DGKB: variants seen among roughly 807,000 people sequenced by gnomAD.
DGKB encodes the protein 90 kDa diacylglycerol kinase.
Under a neutral mutation model 114.3 loss-of-function variants are expected in DGKB, and 67 were observed. That is an observed-to-expected ratio of 0.59 (90% CI 0.48 to 0.72). DGKB has a LOEUF of 0.72. Among genes scored for constraint, DGKB ranks in the 30% least tolerant of loss-of-function variants. The pLI, the probability that DGKB is intolerant of heterozygous loss-of-function variation, is 0.00. For synonymous variants in DGKB, 398 were observed against 323.1 expected, an observed-to-expected ratio of 1.23 and a Z score of -2.49; for missense variants, 907 against 975.2, an observed-to-expected ratio of 0.93 and a Z score of 0.93.
intron 23 of DGKB, among the ~76,000 whole-genome samples, chr7:14,297,465 C>T (rs1172651770): frequency 6.6e-6 from 1 of 152,144 alleles, no homozygotes; most frequent in African/African-American, 2.4e-5. Flanking sequence ...ACATGATTAT[C>T]TCAATAGATG....
Position 14,774,646 on chromosome 7 carries a change from G to T in DGKB, c.71-16915C>A, listed in dbSNP as rs1198750340. 2.6e-5 allele frequency among the ~76,000 whole-genome samples: 4 copies of T among 152,160 alleles called. No homozygotes were observed. The East Asian group carries it at 7.7e-4, about 29-fold the overall frequency. On this transcript the variant is annotated intron_variant, in intron 2 of 25. Transcript: ENST00000402815. ...TTTTCTCAACCTTAGAATATATATAGTCATATGCAACAGTCTTCTCCAAAT... is the reference window on the plus strand; with the variant it reads ...TTTTCTCAACCTTAGAATATATATATTCATATGCAACAGTCTTCTCCAAAT...
chr7:14,499,063 T>C (rs1278016291), intron 20 of DGKB, among the ~76,000 whole-genome samples: 2 of 151,774 alleles, frequency 1.3e-5, no homozygotes, highest in African/African-American at 4.8e-5. Context: ...AGGTGTTTCT[T>C]AGAGATGGGC....
chr7:14,539,575 A>G (rs1053718641), intron 20 of DGKB, among the ~76,000 whole-genome samples: 4 of 152,154 alleles, frequency 2.6e-5, no homozygotes, highest in Admixed American at 2.0e-4. Flanking sequence ...GAAACATGAA[A>G]GTTAAGCAAG....
chr7:14,610,408 A>C (rs924303789), intron 16 of DGKB, among the ~76,000 whole-genome samples: 1 of 152,188 alleles, frequency 6.6e-6, no homozygotes, highest in South Asian at 2.1e-4. Flanking sequence ...GGAAGATATG[A>C]AAAAAACTAC....
chr7:14,553,760 T>C (rs1795447010), intron 20 of DGKB, among the ~76,000 whole-genome samples: 1 of 152,100 alleles, frequency 6.6e-6, no homozygotes, highest in Non-Finnish European at 1.5e-5. Flanking sequence ...AGAAGTTTTA[T>C]TTCTCTCTGT....
At chr7:14,235,380 G>A (rs1240564223) in intron 23 of DGKB, among the ~76,000 whole-genome samples, 1 of 152,014 alleles carries the variant, frequency 6.6e-6, no homozygotes, top group Non-Finnish European at 1.5e-5. Flanking sequence ...TTAACCATCT[G>A]TTTTGCTTGG....
intron 1 of DGKB, among the ~76,000 whole-genome samples, chr7:14,943,365 G>A (rs1785681537): frequency 6.6e-6 from 1 of 151,636 alleles, no homozygotes; most frequent in Non-Finnish European, 1.5e-5. Flanking sequence ...AAGTCATATT[G>A]ACATAATAAA....
intron 1 of DGKB, among the ~76,000 whole-genome samples, chr7:14,850,811 T>G (rs1338121186): frequency 2.0e-5 from 3 of 152,174 alleles, no homozygotes; most frequent in African/African-American, 7.2e-5. Context: ...AATTATTAAT[T>G]TATAGACTAA....
Position 14,161,721 on chromosome 7 carries a change from C to T in DGKB, c.2305-12483G>A, listed in dbSNP as rs150073576. ...TAGGAGAAATACCTAAGGTAGATGACGGGTTGATGGGTGTAGCAAACCACC... is the reference window on the plus strand; with the variant it reads ...TAGGAGAAATACCTAAGGTAGATGATGGGTTGATGGGTGTAGCAAACCACC... On this transcript the variant is annotated intron_variant, in intron 25 of 25. Transcript: ENST00000402815. Among the ~76,000 whole-genome samples the T allele has an allele frequency of 7.3e-3, 1,110 of 151,866 alleles. 12 individuals carry two copies. The highest frequency in any genetic ancestry group is 0.025 in the African/African-American group (1,048 of 41,422).
intron 1 of DGKB, among the ~76,000 whole-genome samples, chr7:14,846,988 AATAAACATTAAG>A (rs1233691323): frequency 6.6e-6 from 1 of 152,194 alleles, no homozygotes; most frequent in Non-Finnish European, 1.5e-5. Flanking sequence ...AAGAGAAGTT[AATAAACATTAAG>A]ACATACTGGG....
chr7:14,592,256 G>T (rs1238692183), intron 17 of DGKB, among the ~76,000 whole-genome samples: 1 of 151,586 alleles, frequency 6.6e-6, no homozygotes, highest in African/African-American at 2.4e-5. Flanking sequence ...AGAAACACAA[G>T]GCTGAAGGAT....
At chr7:14,314,845 A>T (rs370444935) in intron 23 of DGKB, among the ~76,000 whole-genome samples, 6,417 of 149,908 alleles carry the variant, frequency 0.043, 403 homozygotes, top group African/African-American at 0.15. Flanking sequence ...TTCACCAAAG[A>T]TGAAATGAAG....
At chr7:14,503,062 A>C (rs1009023374) in intron 20 of DGKB, among the ~76,000 whole-genome samples, 2 of 152,044 alleles carry the variant, frequency 1.3e-5, no homozygotes, top group South Asian at 4.1e-4. Context: ...CTCCCTTGTG[A>C]TTTATGCCTC....
chr7:14,775,582 G>A (rs1319683186), intron 2 of DGKB, among the ~76,000 whole-genome samples: 1 of 151,972 alleles, frequency 6.6e-6, no homozygotes, highest in African/African-American at 2.4e-5. Flanking sequence ...CTTCCATGCT[G>A]TTTTTGTGAT....
intron 20 of DGKB, among the ~76,000 whole-genome samples, chr7:14,567,475 T>C (rs1382774743): frequency 6.4e-5 from 5 of 77,792 alleles, no homozygotes; most frequent in Non-Finnish European, 2.3e-5. Flanking sequence ...ATTTATATAT[T>C]ATATATATTT....
At chr7:14,894,657 T>C (rs1196241342) in intron 1 of DGKB, among the ~76,000 whole-genome samples, 1 of 151,574 alleles carries the variant, frequency 6.6e-6, no homozygotes, top group Non-Finnish European at 1.5e-5. Context: ...ATCTTTTTGA[T>C]AATATAGTTG....
At chr7:14,519,061 G>C (rs911868596) in intron 20 of DGKB, among the ~76,000 whole-genome samples, 1 of 151,994 alleles carries the variant, frequency 6.6e-6, no homozygotes, top group Admixed American at 6.6e-5. Flanking sequence ...AATAAATTAT[G>C]AGCCACTATT....
chr7:14,765,358 C>T lies in DGKB; in HGVS notation c.71-7627G>A, dbSNP rs376232315. The stretch of plus-strand genomic sequence containing the variant: ...CATAATATCTTTGAGCAACCTGTTA[C>T]ACATATAGCAATAAGTATTTCTACT... On this transcript the variant is annotated intron_variant, in intron 2 of 25. Coordinates refer to ENST00000402815, the MANE Select transcript of DGKB (RefSeq NM_001350709.2). Among the ~76,000 whole-genome samples the T allele has an allele frequency of 2.7e-4, 41 of 152,088 alleles. No homozygotes were observed. The East Asian group carries it at 3.1e-3, about 11-fold the overall frequency.
chr7:14,921,475 T>C (rs906299039), intron 1 of DGKB, among the ~76,000 whole-genome samples: 1 of 152,142 alleles, frequency 6.6e-6, no homozygotes, highest in Non-Finnish European at 1.5e-5. Flanking sequence ...ACATAACCCA[T>C]GTGAAAAATG....
Sources: gnomAD v4.1 joint callset for allele counts (sites outside exome capture counted in the v4.1 genomes callset) on GRCh38, gnomAD v4.1.1 for gene constraint, MANE v1.5 for transcripts, NCBI Gene and HGNC (gene_info 2026-07-23, HGNC 2026-07-21) for gene names.